Variants in ANKS1B observed in about 807,000 individuals in gnomAD.
The protein encoded by ANKS1B is ankyrin repeat and sterile alpha motif domain-containing protein 1B.
A neutral mutation model predicts 148.3 loss-of-function variants in ANKS1B; 36 were observed. The observed-to-expected ratio is 0.24, with a 90% CI of 0.19 to 0.32. ANKS1B has a LOEUF of 0.32. Ranked by LOEUF, ANKS1B falls within the 10% of genes least tolerant of loss-of-function variation. The pLI, the probability that ANKS1B is intolerant of heterozygous loss-of-function variation, is 1.00. For missense variants in ANKS1B, 1,157 were observed against 1,542.6 expected (o/e 0.75, Z 4.19); for synonymous variants, 542 against 560.8 (o/e 0.97, Z 0.47).
At chr12:99,487,734 T>C (rs2096511424) in intron 10 of ANKS1B, among the ~76,000 whole-genome samples, 1 of 152,200 alleles carries the variant, frequency 6.6e-6, no homozygotes. Flanking sequence ...ATTGCCACAA[T>C]GACCTAATAA....
In ANKS1B at chr12:99,504,632, G is replaced by T. The variant is rs759529023; in HGVS notation, c.1282C>A (p.Pro428Thr). The change falls in exon 10 of 27, where the codon CCA becomes ACA. Residue 428 changes from proline to threonine, a missense_variant. By Grantham distance (38) the Pro-to-Thr change is conservative. Transcript: ENST00000683438. ...TCCATAGTGTAATTTCTCTTCTTTG[G>T]ATAGGACTCCTGAAAAGAAGAAAAA... ...GFPMLAQESY[P>T]KKRNYTMEIV... is the part of the protein sequence containing the mutation. 7 of 1,570,966 alleles carry T rather than the reference G, an allele frequency of 4.5e-6. No homozygotes were observed. In the South Asian group the frequency reaches 6.0e-5, roughly 13 times the overall value.
intron 12 of ANKS1B, among the ~76,000 whole-genome samples, chr12:99,251,223 G>T (rs1175109206): frequency 1.3e-5 from 2 of 152,096 alleles, no homozygotes; most frequent in Non-Finnish European, 2.9e-5. Flanking sequence ...AATATATGCT[G>T]CATAGAACAC....
At chr12:98,910,271 A>G (rs1053226041) in intron 17 of ANKS1B, among the ~76,000 whole-genome samples, 3 of 152,234 alleles carry the variant, frequency 2.0e-5, no homozygotes, top group African/African-American at 7.2e-5. Flanking sequence ...GTCTGTACGC[A>G]TCTCAGTCTA....
Position 99,114,798 on chromosome 12 carries a change from A to G in ANKS1B, c.2527-29775T>C, listed in dbSNP as rs371692012. Among the ~76,000 whole-genome samples, 29 of 152,256 alleles carry G rather than the reference A, an allele frequency of 1.9e-4. No homozygotes were observed. The South Asian group carries it at 5.4e-3, about 28-fold the overall frequency. On this transcript the variant is annotated intron_variant, in intron 15 of 26. Transcript: ENST00000683438. Reference sequence around the variant, plus strand: ...TCACAAGAAATAAACAAATAACTCCATTAAAAAGTGGCAAAGGATATAAAC... The same window carrying G: ...TCACAAGAAATAAACAAATAACTCCGTTAAAAAGTGGCAAAGGATATAAAC...
chr12:99,402,020 C>G lies in ANKS1B; in HGVS notation c.1576-2209G>C, dbSNP rs558598985. On this transcript the variant is annotated intron_variant, in intron 11 of 26. Coordinates refer to ENST00000683438, the MANE Select transcript of ANKS1B (RefSeq NM_001352186.2). ...AACACAGGTCATATTTTCCACAACA[C>G]TTGAAATATTTATTATGTCTGGCTT... 1.0e-4 allele frequency among the ~76,000 whole-genome samples: 15 copies of G among 146,710 alleles called. 2 individuals are homozygous for G. Among genetic ancestry groups the G allele is most frequent in the Non-Finnish European group, 9.1e-5 (6 of 66,242 alleles).
chr12:99,210,851 A>C (rs2083256426), intron 14 of ANKS1B, among the ~76,000 whole-genome samples: 1 of 152,162 alleles, frequency 6.6e-6, no homozygotes, highest in Non-Finnish European at 1.5e-5. Context: ...AAAATTCAGA[A>C]ACTATTTGTG....
intron 17 of ANKS1B, among the ~76,000 whole-genome samples, chr12:98,997,211 G>A (rs1305970412): frequency 6.6e-6 from 1 of 152,210 alleles, no homozygotes; most frequent in East Asian, 1.9e-4. Flanking sequence ...TATATACCAA[G>A]CTATTGGTAA....
chr12:99,527,493 C>T (rs951102408), intron 9 of ANKS1B, among the ~76,000 whole-genome samples: 52 of 152,060 alleles, frequency 3.4e-4, no homozygotes, highest in African/African-American at 1.2e-3. Context: ...GTTAGTAATC[C>T]GGATTTGTGG....
At chr12:99,146,379 G>C (rs2073096727) in intron 15 of ANKS1B, among the ~76,000 whole-genome samples, 1 of 152,158 alleles carries the variant, frequency 6.6e-6, no homozygotes, top group African/African-American at 2.4e-5. Flanking sequence ...CGGCAGGATA[G>C]TGTTGGGGAA....
chr12:99,487,972 G>A (rs1302388929), intron 10 of ANKS1B, among the ~76,000 whole-genome samples: 1 of 151,754 alleles, frequency 6.6e-6, no homozygotes, highest in East Asian at 1.9e-4. Flanking sequence ...ATCAGTTTTG[G>A]CTTTTAATGT....
chr12:99,284,745 G>A (rs547855526), intron 12 of ANKS1B, among the ~76,000 whole-genome samples: 2 of 152,140 alleles, frequency 1.3e-5, no homozygotes, highest in East Asian at 3.9e-4. Context: ...ATCTTTCAAT[G>A]GCTCCCTATA....
At chr12:99,908,840 C>A (rs886246655) in intron 1 of ANKS1B, among the ~76,000 whole-genome samples, 2 of 152,150 alleles carry the variant, frequency 1.3e-5, no homozygotes, top group Non-Finnish European at 2.9e-5. Flanking sequence ...ATCTCAGATA[C>A]CTTTTTTCCC....
chr12:99,019,409 T>A (rs569027059), intron 17 of ANKS1B, among the ~76,000 whole-genome samples: 1 of 152,176 alleles, frequency 6.6e-6, no homozygotes, highest in Non-Finnish European at 1.5e-5. Flanking sequence ...GGATTGACAT[T>A]TGGTGGCCAA....
At chr12:99,483,600 T>C (rs1007199311) in intron 10 of ANKS1B, among the ~76,000 whole-genome samples, 1 of 152,010 alleles carries the variant, frequency 6.6e-6, no homozygotes, top group African/African-American at 2.4e-5. Context: ...GAATGTCTGG[T>C]AGAATTCAGC....
rs73147447 is a variant in ANKS1B at position 99,937,868 on chromosome 12, T to C, written c.134+46236A>G. On this transcript the variant is annotated intron_variant, in intron 1 of 26. Transcript: ENST00000683438. ...GTGATGGTAGCAAAGAGAAGATACA[T>C]GATAAATCAGTCATGAATCCTGCCC... Among the ~76,000 whole-genome samples the C allele has an allele frequency of 8.1e-3, 1,232 of 152,246 alleles. 9 individuals carry two copies. Among genetic ancestry groups the C allele is most frequent in the Non-Finnish European group, 0.012 (847 of 67,992 alleles).
intron 9 of ANKS1B, among the ~76,000 whole-genome samples, chr12:99,550,542 T>C (rs2097208373): frequency 6.6e-6 from 1 of 151,732 alleles, no homozygotes; most frequent in African/African-American, 2.4e-5. Flanking sequence ...GAGAATCGCT[T>C]GAACCCGGGA....
rs1444998530 is a variant in ANKS1B at position 99,576,831 on chromosome 12, AG to A, written c.1273-72191del. Among the ~76,000 whole-genome samples the A allele has an allele frequency of 3.3e-5, 5 of 151,976 alleles. No homozygotes were observed. The South Asian group carries it at 1.0e-3, about 32-fold the overall frequency. On this transcript the variant is annotated intron_variant, in intron 9 of 26. Transcript: ENST00000683438. ...TACCTAGGTATATTGGGTGATGCTGAGGTTTGGAGTATAAATGATCCCACCA... is the reference window on the plus strand; with the variant it reads ...TACCTAGGTATATTGGGTGATGCTGAGTTTGGAGTATAAATGATCCCACCA...
At chr12:99,005,982 G>A (rs1276472866) in intron 17 of ANKS1B, among the ~76,000 whole-genome samples, 2 of 152,208 alleles carry the variant, frequency 1.3e-5, no homozygotes, top group East Asian at 3.8e-4. Flanking sequence ...TGAAGAAGTA[G>A]AGAGAAATTG....
chr12:99,318,299 C>G (rs1222176568), intron 12 of ANKS1B, among the ~76,000 whole-genome samples: 1 of 152,120 alleles, frequency 6.6e-6, no homozygotes, highest in Non-Finnish European at 1.5e-5. Context: ...TAGTCCTGGA[C>G]TTTTTTTGGT....
Sources: allele counts gnomAD v4.1 joint callset (sites outside exome capture counted in the v4.1 genomes callset), GRCh38; gene constraint gnomAD v4.1.1; transcripts MANE v1.5; gene names NCBI Gene and HGNC (gene_info 2026-07-23, HGNC 2026-07-21).